NUP37: variants seen among roughly 807,000 people sequenced by gnomAD.
NUP37 encodes the protein nucleoporin 37.
A neutral mutation model predicts 45.4 loss-of-function variants in NUP37; 33 were observed. The ratio of observed to expected loss-of-function variants is 0.73; its 90% CI spans 0.55 to 0.97. NUP37 has a LOEUF of 0.97. Ranked by LOEUF, NUP37 falls within the 50% of genes least tolerant of loss-of-function variation. The probability of loss-of-function intolerance (pLI) is 0.00; values close to 1 mark genes in which losing one functional copy is unlikely to be tolerated. For missense variants in NUP37, 365 were observed against 389.7 expected, an observed-to-expected ratio of 0.94 and a Z score of 0.53; for synonymous variants, 127 against 130.7, an observed-to-expected ratio of 0.97 and a Z score of 0.19.
chr12:102,107,285 G>T (rs1880181771), intron 3 of NUP37, among the ~76,000 whole-genome samples: 1 of 152,180 alleles, frequency 6.6e-6, no homozygotes, highest in African/African-American at 2.4e-5. Context: ...CACATGGTAT[G>T]ATAGGTTGCT....
At chr12:102,118,648 A>C in intron 1 of NUP37, 65 bp from the exon 2 acceptor site, 1 of 751,144 alleles carries the variant, frequency 1.3e-6, no homozygotes, top group Non-Finnish European at 2.1e-6. Flanking sequence ...AAATGCATCA[A>C]AATAAGGTTG....
At chr12:102,119,864 G>C (rs961395867) in intron 1 of NUP37, among the ~76,000 whole-genome samples, 186 bp downstream of exon 1, 3 of 152,182 alleles carry the variant, frequency 2.0e-5, no homozygotes, top group Admixed American at 6.5e-5. Context: ...GAAGAAGGGA[G>C]GGAACAAGAT....
chr12:102,088,339 TG>T (rs934257437), intron 5 of NUP37, among the ~76,000 whole-genome samples: 1 of 152,162 alleles, frequency 6.6e-6, no homozygotes, highest in Non-Finnish European at 1.5e-5. Context: ...CACTTTTTTT[TG>T]GGTAAAATTT....
In NUP37 at chr12:102,073,977, T is replaced by G. The variant is rs1199675907; in HGVS notation, c.*377A>C. On this transcript the variant is annotated 3_prime_UTR_variant, in exon 10 of 10. Coordinates refer to ENST00000552283, the MANE Select transcript of NUP37 (RefSeq NM_024057.4). Reference sequence around the variant, plus strand: ...AGCCATTGTACCTGGCCTTTTTTTCTCTTTTGATAAATGTGTCCCTGAGAA... The same window carrying G: ...AGCCATTGTACCTGGCCTTTTTTTCGCTTTTGATAAATGTGTCCCTGAGAA... 6.5e-6 allele frequency: 1 copy of G among 153,438 alleles called. No individual in the cohort carries two copies. The highest frequency in any genetic ancestry group is 1.4e-5 in the Non-Finnish European group (1 of 69,056). The allele number at this position is 153,438 out of a possible 1,614,324, so 9.5% of individuals were successfully genotyped here.
rs765492869 is a variant in NUP37, at chr12:102,112,137, A to C, written c.252T>G (p.Thr84=). 6.2e-7 allele frequency: 1 copy of C among 1,613,774 alleles called. No homozygotes were observed. ...TTACTGGAGGCAATGAATCAAGTCT[A>C]GTCTCTGGGCTCCAAGCTATGCCAT... ...RVDGIAWSPE[T]RLDSLPPVIK... is the part of the protein sequence containing the mutation. Residue 84 remains threonine, a synonymous_variant, in exon 3 of 10, where the codon ACT becomes ACG. Coordinates refer to ENST00000552283, the MANE Select transcript of NUP37 (RefSeq NM_024057.4).
chr12:102,084,473 G>A lies in NUP37; in HGVS notation c.540+1293C>T, dbSNP rs925953685. Among the ~76,000 whole-genome samples the A allele has an allele frequency of 1.7e-4, 24 of 141,926 alleles. No homozygotes were observed. In the East Asian group the frequency reaches 5.0e-3, roughly 30 times the overall value. The allele number at this position is 141,926 out of a possible 152,430, so 93.1% of individuals were successfully genotyped here. ...CCAGCTTGGGTAACATGGTGAAACT[G>A]TTTCTACAAAAAATACAAAAATTAG... On this transcript the variant is annotated intron_variant, in intron 6 of 9. Transcript: ENST00000552283.
intron 3 of NUP37, among the ~76,000 whole-genome samples, chr12:102,110,515 TA>T (rs201584832): frequency 0.31 from 39,980 of 127,714 alleles, 5,327 homozygotes; most frequent in East Asian, 0.45. Context: ...ACCAAAAAAA[TA>T]AAAAAAAAAA....
intron 3 of NUP37, among the ~76,000 whole-genome samples, chr12:102,104,122 TCAA>T (rs1201008734): frequency 1.3e-5 from 2 of 152,170 alleles, no homozygotes; most frequent in African/African-American, 4.8e-5. Context: ...ACATCCCGGG[TCAA>T]CATTTGTTAT....
chr12:102,119,815 GTTGGACAGGAC>G (rs1160247108), intron 1 of NUP37, among the ~76,000 whole-genome samples: 1 of 152,132 alleles, frequency 6.6e-6, no homozygotes, highest in Non-Finnish European at 1.5e-5. Flanking sequence ...CACCGTACAC[GTTGGACAGGAC>G]TTGCCCCTGT....
intron 5 of NUP37, among the ~76,000 whole-genome samples, chr12:102,098,816 G>A: frequency 6.6e-6 from 1 of 152,152 alleles, no homozygotes; most frequent in East Asian, 1.9e-4. Context: ...ATAGGCATGT[G>A]GCACTGTGCC....
Position 102,118,525 on chromosome 12 carries a change from T to G in NUP37, c.-7A>C, listed in dbSNP as rs372138363. On this transcript the variant is annotated 5_prime_UTR_variant, in exon 2 of 10. Coordinates refer to ENST00000552283, the MANE Select transcript of NUP37 (RefSeq NM_024057.4). ...TTGAGGCATCTTGCTTCATCTTGTA[T>G]GTCAAAATTCAAGCAGTTGTGAAAA... 6.2e-7 allele frequency: 1 copy of G among 1,604,954 alleles called. No individual in the cohort carries two copies. The highest frequency in any genetic ancestry group is 8.5e-7 in the Non-Finnish European group (1 of 1,177,376).
intron 8 of NUP37, among the ~76,000 whole-genome samples, chr12:102,075,729 A>G (rs1879147500): frequency 6.6e-6 from 1 of 152,168 alleles, no homozygotes; most frequent in African/African-American, 2.4e-5. Flanking sequence ...GGCATCAAAT[A>G]TGACAGCCAT....
At chr12:102,074,805 C>G in intron 9 of NUP37, 196 bp downstream of exon 9, 3 of 457,478 alleles carry the variant, frequency 6.6e-6, no homozygotes, top group Non-Finnish European at 3.8e-6. Flanking sequence ...CCTGTTGTCA[C>G]TGGTAATGTA....
intron 2 of NUP37, among the ~76,000 whole-genome samples, chr12:102,115,119 TCA>T (rs1479815494): frequency 2.0e-5 from 3 of 152,242 alleles, no homozygotes; most frequent in Non-Finnish European, 4.4e-5. Flanking sequence ...AATACCTCTT[TCA>T]CAGTTTTAAA....
chr12:102,087,654 T>C (rs1879510404), intron 5 of NUP37, among the ~76,000 whole-genome samples: 1 of 152,216 alleles, frequency 6.6e-6, no homozygotes, highest in Non-Finnish European at 1.5e-5. Flanking sequence ...TGGGCTAGCA[T>C]ATATTTTAAC....
intron 5 of NUP37, among the ~76,000 whole-genome samples, chr12:102,087,722 G>A (rs900854523): frequency 4.6e-5 from 7 of 152,134 alleles, no homozygotes; most frequent in Non-Finnish European, 5.9e-5. Flanking sequence ...TGAGAGGATG[G>A]TTTAAAACCT....
At chr12:102,076,934 G>A (rs956545155) in intron 7 of NUP37, 87 bp from the exon 8 acceptor site, 4 of 896,946 alleles carry the variant, frequency 4.5e-6, no homozygotes, top group Non-Finnish European at 7.1e-6. Flanking sequence ...TCTCTTTATA[G>A]GACAGAATGT....
chr12:102,082,920 T>C (rs1473011488), intron 6 of NUP37, among the ~76,000 whole-genome samples: 1 of 152,146 alleles, frequency 6.6e-6, no homozygotes, highest in East Asian at 1.9e-4. Context: ...CTGGAATAGT[T>C]TGTGTATAGG....
At chr12:102,116,379 A>C (rs1037454671) in intron 2 of NUP37, among the ~76,000 whole-genome samples, 1 of 152,202 alleles carries the variant, frequency 6.6e-6, no homozygotes, top group African/African-American at 2.4e-5. Flanking sequence ...TCTTTTGTAC[A>C]TTGGTGGCTT....
Sources: allele counts gnomAD v4.1 joint callset (sites outside exome capture counted in the v4.1 genomes callset), GRCh38; gene constraint gnomAD v4.1.1; transcripts MANE v1.5; gene names NCBI Gene and HGNC (gene_info 2026-07-23, HGNC 2026-07-21).